MEF2A: variants seen among roughly 807,000 people sequenced by gnomAD.
MEF2A encodes the protein myocyte-specific enhancer factor 2A.
MEF2A carries 28 observed loss-of-function variants against 55.8 expected under a neutral mutation model. That is an observed-to-expected ratio of 0.50 (90% confidence interval 0.37 to 0.69). MEF2A has a LOEUF of 0.69. MEF2A is among the 30% of genes least tolerant of loss of function. The pLI is 0.00. For missense variants in MEF2A, 528 were observed against 626.2 expected (o/e 0.84, Z 1.67); for synonymous variants, 239 against 227.1 (o/e 1.05, Z -0.47).
chr15:99,620,819 C>G (rs1255788312), intron 2 of MEF2A: 4 of 151,160 alleles, frequency 2.6e-5, no homozygotes, highest in African/African-American at 9.7e-5. Context: ...AAATATTCCC[C>G]TTGCTCTGTA....
chr15:99,699,972 GTGTGTGTGTGTGTATATA>G lies in MEF2A; in HGVS notation c.859-3388_859-3371del, dbSNP rs1011306413. ...TTTATATGTGTGTGTGTGTGTGTGTGTGTGTGTGTGTGTATATATATATATATAATTTTTGTATTTTTA... is the reference window on the plus strand; with the variant it reads ...TTTATATGTGTGTGTGTGTGTGTGTGTATATATATAATTTTTGTATTTTTA... On this transcript the variant is annotated intron_variant, in intron 8 of 11. Coordinates refer to ENST00000557942, the MANE Select transcript of MEF2A (RefSeq NM_001319206.4). Among the ~76,000 whole-genome samples the G allele has an allele frequency of 9.1e-5, 9 of 98,818 alleles. No individual in the cohort carries two copies. The South Asian group carries it at 2.5e-3, about 28-fold the overall frequency. The allele number at this position is 98,818 out of a possible 152,430, so 64.8% of individuals were successfully genotyped here. A position where few individuals can be genotyped will look rare whatever the true frequency, so the allele number is the denominator to read the frequency against.
chr15:99,651,867 C>T (rs1022921906), intron 4 of MEF2A, among the ~76,000 whole-genome samples: 5 of 152,122 alleles, frequency 3.3e-5, no homozygotes, highest in Admixed American at 6.5e-5. Flanking sequence ...AATGAGAGTT[C>T]ATGTGGGGAG....
At chr15:99,707,351 C>T (rs1567504779) in intron 10 of MEF2A, among the ~76,000 whole-genome samples, 1 of 152,136 alleles carries the variant, frequency 6.6e-6, no homozygotes, top group Non-Finnish European at 1.5e-5. Flanking sequence ...TCCCTGTAAC[C>T]ACTAGCTTGG....
At chr15:99,615,228 A>G (rs1181041380) in intron 2 of MEF2A, among the ~76,000 whole-genome samples, 2 of 152,196 alleles carry the variant, frequency 1.3e-5, no homozygotes, top group Non-Finnish European at 2.9e-5. Context: ...GTGGTTGGAT[A>G]TAGCCAGTTA....
At chr15:99,580,129 A>T (rs145296817) in intron 1 of MEF2A, among the ~76,000 whole-genome samples, 83 of 152,182 alleles carry the variant, frequency 5.5e-4, no homozygotes, top group African/African-American at 1.9e-3. Flanking sequence ...TCCCATTGCT[A>T]GCCTCTTGCC....
At chr15:99,708,713 G>C (rs182059045) in intron 10 of MEF2A, among the ~76,000 whole-genome samples, 35 of 152,330 alleles carry the variant, frequency 2.3e-4, no homozygotes, top group African/African-American at 8.4e-4. Context: ...GTGAAGCCTG[G>C]GGGGAAGGCA....
At chr15:99,566,951 CTT>C (rs1244874335) in intron 1 of MEF2A, among the ~76,000 whole-genome samples, 3 of 152,342 alleles carry the variant, frequency 2.0e-5, no homozygotes. Flanking sequence ...GTGTTAGAAA[CTT>C]TGCTTTTTGG....
chr15:99,628,715 C>T (rs1255580009), intron 2 of MEF2A, among the ~76,000 whole-genome samples: 2 of 152,186 alleles, frequency 1.3e-5, no homozygotes, highest in African/African-American at 4.8e-5. Context: ...TGTACTATTA[C>T]TGTTATGTAT....
Position 99,711,661 on chromosome 15 carries a change from C to T in MEF2A, c.1137-729C>T, listed in dbSNP as rs1007076979. 1.3e-5 allele frequency among the ~76,000 whole-genome samples: 2 copies of T among 152,228 alleles called. 1 individual carries two copies. Among genetic ancestry groups the T allele is most frequent in the Non-Finnish European group, 2.9e-5 (2 of 68,046 alleles). ...AGGAAGTCCCCAGAGAGCCTGAGCT[C>T]AGCAGTCCCTTTCCCTCATCCATTC... On this transcript the variant is annotated intron_variant, in intron 11 of 11. Coordinates refer to ENST00000557942, the MANE Select transcript of MEF2A (RefSeq NM_001319206.4).
intron 2 of MEF2A, among the ~76,000 whole-genome samples, chr15:99,618,039 C>G (rs1488340123): frequency 6.6e-6 from 1 of 152,162 alleles, no homozygotes; most frequent in Non-Finnish European, 1.5e-5. Flanking sequence ...AGAAGCCCCA[C>G]AGACAATAAA....
intron 2 of MEF2A, among the ~76,000 whole-genome samples, chr15:99,623,475 A>G (rs1203710382): frequency 6.6e-6 from 1 of 152,196 alleles, no homozygotes; most frequent in African/African-American, 2.4e-5. Context: ...AGCAAACGCC[A>G]TACTGTTTTC....
At chr15:99,645,152 A>G (rs1034686624) in intron 3 of MEF2A, among the ~76,000 whole-genome samples, 3 of 152,118 alleles carry the variant, frequency 2.0e-5, no homozygotes, top group African/African-American at 7.2e-5. Context: ...GGGAGGAGAA[A>G]TACTTCAGAT....
intron 1 of MEF2A, among the ~76,000 whole-genome samples, chr15:99,568,401 T>G (rs1225292787): frequency 2.0e-5 from 3 of 152,202 alleles, no homozygotes; most frequent in Non-Finnish European, 4.4e-5. Context: ...ATGTTATGTT[T>G]TTCAAAGCAA....
intron 1 of MEF2A, chr15:99,566,574 G>A (rs1402990038): frequency 6.6e-6 from 1 of 152,224 alleles, no homozygotes; most frequent in Non-Finnish European, 1.5e-5. Flanking sequence ...GAAAGTTGAA[G>A]GAGTTCTCGG....
chr15:99,642,149 C>A (rs972101316), intron 3 of MEF2A, among the ~76,000 whole-genome samples: 1 of 152,112 alleles, frequency 6.6e-6, no homozygotes, highest in Non-Finnish European at 1.5e-5. Flanking sequence ...GGCCCTATTT[C>A]TTTTCCCCAG....
intron 2 of MEF2A, among the ~76,000 whole-genome samples, chr15:99,612,227 A>G (rs1195801780): frequency 6.6e-6 from 1 of 152,114 alleles, no homozygotes; most frequent in Non-Finnish European, 1.5e-5. Context: ...TATCCTGGCT[A>G]ACAGGGTGAA....
At chr15:99,699,157 T>C (rs2056981688) in intron 8 of MEF2A, among the ~76,000 whole-genome samples, 1 of 152,196 alleles carries the variant, frequency 6.6e-6, no homozygotes, top group South Asian at 2.1e-4. Context: ...AAGAAACCCG[T>C]ATCTTTCATA....
At chr15:99,643,400 ATATTTTG>A (rs1168288515) in intron 3 of MEF2A, among the ~76,000 whole-genome samples, 2 of 152,146 alleles carry the variant, frequency 1.3e-5, no homozygotes, top group East Asian at 1.9e-4. Context: ...GTGACTTGTT[ATATTTTG>A]TTATAATCTA....
At chr15:99,595,897 C>T (rs567819973) in intron 1 of MEF2A, among the ~76,000 whole-genome samples, 2 of 152,168 alleles carry the variant, frequency 1.3e-5, no homozygotes, top group South Asian at 4.2e-4. Context: ...AACGGGTAGT[C>T]GAGGGAGATA....
Sources: gnomAD v4.1 joint callset for allele counts (sites outside exome capture counted in the v4.1 genomes callset) on GRCh38, gnomAD v4.1.1 for gene constraint, MANE v1.5 for transcripts, NCBI Gene and HGNC (gene_info 2026-07-23, HGNC 2026-07-21) for gene names.